TSC22D1: variants seen among roughly 807,000 people sequenced by gnomAD.
TSC22D1 encodes the protein TSC22 domain family member 1.
Under a neutral mutation model 74.2 loss-of-function variants are expected in TSC22D1, and 9 were observed. That is an observed-to-expected ratio of 0.12 (90% confidence interval 0.07 to 0.21). The LOEUF is 0.21. Ranked by LOEUF, TSC22D1 falls within the 10% of genes least tolerant of loss-of-function variation. The pLI, the probability that TSC22D1 is intolerant of heterozygous loss-of-function variation, is 1.00. For missense variants in TSC22D1, 1,427 were observed against 1,304.7 expected (o/e 1.09, Z -1.44); for synonymous variants, 586 against 492.5 (o/e 1.19, Z -2.51).
chr13:44,432,297 T>C lies in TSC22D1; in HGVS notation c.*2329A>G, dbSNP rs1874110995. ...CCATCTTAATACACTGACATGAGAT[T>C]TTTCAAATTTTCCACGATTACCACC... is the stretch of plus-strand genomic sequence containing the variant. On this transcript the variant is annotated 3_prime_UTR_variant, in exon 3 of 3. Coordinates refer to ENST00000458659, the MANE Select transcript of TSC22D1 (RefSeq NM_183422.4). The C allele has an allele frequency of 6.6e-6, 1 of 152,172 alleles. No homozygotes were observed. Among genetic ancestry groups the C allele is most frequent in the South Asian group, 2.1e-4 (1 of 4,826 alleles). 9.4% of individuals were successfully genotyped at this position (152,172 alleles called of 1,614,324 possible).
intron 1 of TSC22D1, among the ~76,000 whole-genome samples, chr13:44,548,428 G>C (rs1303601012): frequency 6.6e-6 from 1 of 152,170 alleles, no homozygotes; most frequent in African/African-American, 2.4e-5. Flanking sequence ...TAAATACTTA[G>C]TGTATGATAA....
intron 1 of TSC22D1, among the ~76,000 whole-genome samples, chr13:44,500,059 G>C (rs887456268): frequency 1.3e-5 from 2 of 149,044 alleles, no homozygotes; most frequent in East Asian, 4.0e-4. Context: ...CTGCACTCCA[G>C]CCTGGGTGAC....
chr13:44,464,023 G>C (rs539123607), intron 1 of TSC22D1, among the ~76,000 whole-genome samples: 1 of 152,138 alleles, frequency 6.6e-6, no homozygotes, highest in African/African-American at 2.4e-5. Flanking sequence ...CAAGTCTTGG[G>C]ATGATGGAAG....
chr13:44,531,236 A>C (rs1345887387), intron 1 of TSC22D1, among the ~76,000 whole-genome samples: 2 of 152,194 alleles, frequency 1.3e-5, no homozygotes. Flanking sequence ...AACTCTCTAC[A>C]CTTACTGGTC....
At chr13:44,485,930 G>C (rs1238852031) in intron 1 of TSC22D1, among the ~76,000 whole-genome samples, 1 of 151,882 alleles carries the variant, frequency 6.6e-6, no homozygotes, top group Non-Finnish European at 1.5e-5. Context: ...CAAGGGGGAT[G>C]GGTTTTTAAA....
intron 1 of TSC22D1, chr13:44,538,474 T>C (rs891145837): frequency 1.0e-6 from 1 of 985,408 alleles, no homozygotes; most frequent in Non-Finnish European, 1.2e-6. Context: ...CTTAAAAAAA[T>C]GTTTGCCTAC....
chr13:44,434,939 T>TAA, intron 2 of TSC22D1, 56 bp from the exon 3 acceptor site: 2 of 1,470,908 alleles, frequency 1.4e-6, no homozygotes, highest in Non-Finnish European at 1.9e-6. Flanking sequence ...TGGACTCTTT[T>TAA]GAGTTTCCAA....
intron 1 of TSC22D1, among the ~76,000 whole-genome samples, chr13:44,572,859 T>C (rs1288497903): frequency 6.6e-6 from 1 of 152,210 alleles, no homozygotes; most frequent in Non-Finnish European, 1.5e-5. Flanking sequence ...AATTAAGCTT[T>C]CCATAATATT....
chr13:44,454,077 C>T (rs1470927713), intron 1 of TSC22D1, among the ~76,000 whole-genome samples: 1 of 152,170 alleles, frequency 6.6e-6, no homozygotes, highest in Non-Finnish European at 1.5e-5. Context: ...GTTCCATCAC[C>T]TATTACGTAA....
intron 1 of TSC22D1, among the ~76,000 whole-genome samples, chr13:44,532,496 C>T (rs933872533): frequency 6.6e-6 from 1 of 151,974 alleles, no homozygotes; most frequent in African/African-American, 2.4e-5. Flanking sequence ...TTTTTTGAGA[C>T]GGAGTCTTGC....
chr13:44,551,696 C>T (rs1046699646), intron 1 of TSC22D1, among the ~76,000 whole-genome samples: 1 of 152,114 alleles, frequency 6.6e-6, no homozygotes, highest in African/African-American at 2.4e-5. Flanking sequence ...GGTGGGATTA[C>T]AGGTGTGAGC....
intron 1 of TSC22D1, chr13:44,537,119 ATATT>A: frequency 6.6e-6 from 6 of 909,320 alleles, no homozygotes; most frequent in South Asian, 5.1e-5. Flanking sequence ...CATGGAGAAA[ATATT>A]TATTAGATTT....
chr13:44,552,936 C>T (rs566719713), intron 1 of TSC22D1, among the ~76,000 whole-genome samples: 1 of 152,176 alleles, frequency 6.6e-6, no homozygotes, highest in East Asian at 1.9e-4. Context: ...TGCAGTGAGC[C>T]GCGATCGTGC....
chr13:44,457,240 A>C (rs1876709928), intron 1 of TSC22D1, among the ~76,000 whole-genome samples: 3 of 152,224 alleles, frequency 2.0e-5, no homozygotes, highest in Admixed American at 2.0e-4. Context: ...TGTAACAGCT[A>C]CCTCAGTTCG....
At chr13:44,495,249 G>C (rs1045174195) in intron 1 of TSC22D1, among the ~76,000 whole-genome samples, 1 of 146,682 alleles carries the variant, frequency 6.8e-6, no homozygotes, top group Non-Finnish European at 1.5e-5. Flanking sequence ...AGCAGAAACT[G>C]TATGTAAGCC....
At chr13:44,471,630 G>C (rs555815905) in intron 1 of TSC22D1, among the ~76,000 whole-genome samples, 9 of 152,288 alleles carry the variant, frequency 5.9e-5, no homozygotes, top group Admixed American at 5.9e-4. Context: ...TGACGTATAA[G>C]AGAATAGTTC....
chr13:44,436,360 GT>G, intron 1 of TSC22D1: 1 of 1,206,744 alleles, frequency 8.3e-7, no homozygotes, highest in Non-Finnish European at 1.2e-6. Context: ...CAAAAATAAG[GT>G]TTTTTAACAT....
At chr13:44,545,284 G>A (rs932983031) in intron 1 of TSC22D1, among the ~76,000 whole-genome samples, 7 of 151,358 alleles carry the variant, frequency 4.6e-5, no homozygotes, top group Admixed American at 1.3e-4. Flanking sequence ...GCAATGAGCC[G>A]AGATCACACC....
intron 1 of TSC22D1, among the ~76,000 whole-genome samples, chr13:44,451,807 C>T (rs61949771): frequency 6.6e-6 from 1 of 152,120 alleles, no homozygotes; most frequent in Non-Finnish European, 1.5e-5. Context: ...CTATAGGGGG[C>T]ACAGCCCCTT....
Sources: gnomAD v4.1 joint callset for allele counts (sites outside exome capture counted in the v4.1 genomes callset) on GRCh38, gnomAD v4.1.1 for gene constraint, MANE v1.5 for transcripts, NCBI Gene and HGNC (gene_info 2026-07-23, HGNC 2026-07-21) for gene names.